Variants in ASTN2 observed in about 807,000 individuals in gnomAD.
The protein encoded by ASTN2 is astrotactin 2.
ASTN2 carries 54 observed loss-of-function variants against 139.8 expected under a neutral mutation model. The observed-to-expected ratio is 0.39, with a 90% CI of 0.31 to 0.48. ASTN2 has a LOEUF of 0.48. Ranked by LOEUF, ASTN2 falls within the 20% of genes least tolerant of loss-of-function variation. ASTN2 has a pLI of 0.95. For missense variants in ASTN2, 1,565 were observed against 1,725.1 expected (o/e 0.91, Z 1.64); for synonymous variants, 756 against 719.5 (o/e 1.05, Z -0.81).
chr9:117,306,809 A>T (rs1289526831), intron 1 of ASTN2, among the ~76,000 whole-genome samples: 1 of 152,090 alleles, frequency 6.6e-6, no homozygotes, highest in Non-Finnish European at 1.5e-5. Context: ...GTTTTTCTTT[A>T]ATGACCACTG....
intron 2 of ASTN2, among the ~76,000 whole-genome samples, chr9:117,290,948 A>G (rs1386684857): frequency 6.6e-6 from 1 of 152,148 alleles, no homozygotes; most frequent in South Asian, 2.1e-4. Context: ...TTTTATTCCA[A>G]TTTTGTTTGT....
chr9:117,112,741 AG>A (rs1338268440), intron 4 of ASTN2, among the ~76,000 whole-genome samples: 2 of 152,158 alleles, frequency 1.3e-5, no homozygotes, highest in Non-Finnish European at 2.9e-5. Context: ...AAATCATAAA[AG>A]AAAAAAATTG....
At position 116,672,786 on chromosome 9, in the gene ASTN2, T is replaced by A. The variant is rs75303977; in HGVS notation, c.2807-20993A>T. 4.9e-4 allele frequency among the ~76,000 whole-genome samples: 74 copies of A among 152,332 alleles called. No individual in the cohort carries two copies. The East Asian group carries it at 0.014, about 29-fold the overall frequency. On this transcript the variant is annotated intron_variant, in intron 16 of 22. Coordinates refer to ENST00000313400, the MANE Select transcript of ASTN2 (RefSeq NM_001365068.1). ...TGTTTCAAAATATCTTTTCATCTCT[T>A]CCTTAAAATACCCTTCCAACTGGGT...
intron 20 of ASTN2, among the ~76,000 whole-genome samples, chr9:116,476,613 G>A (rs1001456042): frequency 6.6e-6 from 1 of 152,192 alleles, no homozygotes; most frequent in African/African-American, 2.4e-5. Flanking sequence ...ACCTTACTGT[G>A]AGGCACCTCC....
chr9:116,516,357 C>T lies in ASTN2; in HGVS notation c.3356-28857G>A, dbSNP rs546918650. On this transcript the variant is annotated intron_variant, in intron 19 of 22. Transcript: ENST00000313400. ...ACATGTTTGAGAGATCAAAAAGATACTATTATTATTAATGCATCATCATCA... is the reference window on the plus strand; with the variant it reads ...ACATGTTTGAGAGATCAAAAAGATATTATTATTATTAATGCATCATCATCA... Among the ~76,000 whole-genome samples, 4 of 152,268 alleles carry T rather than the reference C, an allele frequency of 2.6e-5. No homozygotes were observed. The South Asian group carries it at 8.3e-4, about 32-fold the overall frequency.
intron 19 of ASTN2, among the ~76,000 whole-genome samples, chr9:116,536,232 T>C (rs996424482): frequency 6.6e-6 from 1 of 151,970 alleles, no homozygotes; most frequent in Non-Finnish European, 1.5e-5. Context: ...CTTCTCTGCA[T>C]TGGTTATTCT....
intron 19 of ASTN2, among the ~76,000 whole-genome samples, chr9:116,537,096 G>T (rs189041679): frequency 2.0e-4 from 30 of 152,280 alleles, no homozygotes; most frequent in Admixed American, 5.9e-4. Flanking sequence ...CTTGCAGTTC[G>T]ATCTCAGACT....
intron 17 of ASTN2, among the ~76,000 whole-genome samples, chr9:116,627,444 C>T (rs955388769): frequency 6.6e-6 from 1 of 152,172 alleles, no homozygotes; most frequent in African/African-American, 2.4e-5. Context: ...GAGAAACATT[C>T]ACTACACCAA....
chr9:117,089,943 T>G (rs1005245317), intron 5 of ASTN2, among the ~76,000 whole-genome samples: 2 of 152,172 alleles, frequency 1.3e-5, no homozygotes, highest in Admixed American at 6.5e-5. Context: ...GGGCAACAAA[T>G]AGACTTAGAC....
intron 3 of ASTN2, among the ~76,000 whole-genome samples, chr9:117,198,257 C>T (rs1185954156): frequency 6.6e-6 from 1 of 152,086 alleles, no homozygotes; most frequent in Non-Finnish European, 1.5e-5. Flanking sequence ...TCAACTCCCA[C>T]TTATGAGTGA....
intron 13 of ASTN2, among the ~76,000 whole-genome samples, chr9:116,780,304 T>C (rs1031041637): frequency 1.3e-5 from 2 of 152,234 alleles, no homozygotes; most frequent in African/African-American, 2.4e-5. Context: ...ATGCATTATC[T>C]GATTTAAATG....
intron 19 of ASTN2, among the ~76,000 whole-genome samples, chr9:116,567,286 G>A (rs1196915151): frequency 6.6e-6 from 1 of 152,196 alleles, no homozygotes; most frequent in African/African-American, 2.4e-5. Flanking sequence ...TTGTCCTCAG[G>A]AGCCAGACAA....
At chr9:117,202,881 T>C (rs1218359803) in intron 3 of ASTN2, among the ~76,000 whole-genome samples, 2 of 152,166 alleles carry the variant, frequency 1.3e-5, no homozygotes, top group Non-Finnish European at 1.5e-5. Context: ...TGCTAGCATG[T>C]CTTGCTAGGT....
intron 6 of ASTN2, among the ~76,000 whole-genome samples, chr9:117,023,407 A>G (rs892824581): frequency 1.1e-4 from 16 of 152,036 alleles, no homozygotes; most frequent in Admixed American, 8.5e-4. Context: ...ACAACTTCAC[A>G]TGTTCCTTTA....
chr9:116,915,705 C>A (rs1834425302), intron 10 of ASTN2, among the ~76,000 whole-genome samples: 1 of 152,120 alleles, frequency 6.6e-6, no homozygotes, highest in South Asian at 2.1e-4. Flanking sequence ...GGGTGGTGCA[C>A]CCCAATTGCA....
intron 19 of ASTN2, chr9:116,578,961 G>A (rs1179635661): frequency 6.6e-6 from 1 of 151,978 alleles, no homozygotes; most frequent in Non-Finnish European, 1.5e-5. Flanking sequence ...GCACTTAGAG[G>A]AAGAGGGGTG....
At chr9:117,179,851 C>T (rs1208554322) in intron 3 of ASTN2, among the ~76,000 whole-genome samples, 3 of 152,186 alleles carry the variant, frequency 2.0e-5, no homozygotes, top group Non-Finnish European at 4.4e-5. Context: ...ACTTTACCCC[C>T]AATCCCCTGG....
chr9:117,250,865 T>C (rs1409071187), intron 2 of ASTN2, among the ~76,000 whole-genome samples: 2 of 152,106 alleles, frequency 1.3e-5, no homozygotes, highest in East Asian at 3.9e-4. Context: ...GGAAGTAATA[T>C]CTCTGCTAAT....
At chr9:116,549,614 G>T (rs761233392) in intron 19 of ASTN2, among the ~76,000 whole-genome samples, 4 of 152,182 alleles carry the variant, frequency 2.6e-5, no homozygotes, top group Non-Finnish European at 5.9e-5. Flanking sequence ...AGCCCAGAGG[G>T]CCCTGCAACC....
Sources: allele counts gnomAD v4.1 joint callset (sites outside exome capture counted in the v4.1 genomes callset), GRCh38; gene constraint gnomAD v4.1.1; transcripts MANE v1.5; gene names NCBI Gene and HGNC (gene_info 2026-07-23, HGNC 2026-07-21).